Variants in ABHD12 observed in about 807,000 individuals in gnomAD.
ABHD12 encodes the protein abhydrolase domain containing 12, lysophospholipase, also known as lysophosphatidylserine lipase ABHD12.
In ABHD12, 43 loss-of-function variants were observed where a neutral mutation model predicts 58.3. The observed-to-expected ratio is 0.74, with a 90% CI of 0.58 to 0.95. The LOEUF (loss-of-function observed/expected upper bound fraction) is 0.95. Ranked by LOEUF, ABHD12 falls within the 40% of genes least tolerant of loss-of-function variation. The pLI, the probability that ABHD12 is intolerant of heterozygous loss-of-function variation, is 0.00. For synonymous variants in ABHD12, 219 were observed against 211.2 expected, an observed-to-expected ratio of 1.04 and a Z score of -0.32; for missense variants, 539 against 537.2, an observed-to-expected ratio of 1.00 and a Z score of -0.03.
intron 1 of ABHD12, among the ~76,000 whole-genome samples, chr20:25,346,318 G>A (rs2089518013): frequency 1.3e-5 from 2 of 152,204 alleles, no homozygotes; most frequent in Admixed American, 1.3e-4. Flanking sequence ...CCAGGGATGG[G>A]GTAGGGAGGG....
chr20:25,372,188 G>A (rs913089403), intron 1 of ABHD12, among the ~76,000 whole-genome samples: 3 of 151,510 alleles, frequency 2.0e-5, no homozygotes, highest in African/African-American at 4.9e-5. Flanking sequence ...TTAAAGCATG[G>A]GTCTGCTGAT....
rs186066020 is a variant in ABHD12 at position 25,302,978 on chromosome 20, T to C, written c.1029+572A>G. Among the ~76,000 whole-genome samples, 12 of 152,310 alleles carry C rather than the reference T, an allele frequency of 7.9e-5. No individual in the cohort carries two copies. In the East Asian group the frequency reaches 2.3e-3, roughly 29 times the overall value. ...CAGGCTGCCTTCTCTTACCCTACTC[T>C]GAGCCACAAATCCAATCCAACTTGC... is the stretch of plus-strand genomic sequence containing the variant. On this transcript the variant is annotated intron_variant, in intron 11 of 12. Transcript: ENST00000339157.
At chr20:25,359,936 T>C (rs1416793852) in intron 1 of ABHD12, among the ~76,000 whole-genome samples, 1 of 151,890 alleles carries the variant, frequency 6.6e-6, no homozygotes, top group African/African-American at 2.4e-5. Flanking sequence ...GTTAAAAATA[T>C]TTCCCTCTAT....
At chr20:25,390,131 A>C in intron 1 of ABHD12, 1 of 170,886 alleles carries the variant, frequency 5.9e-6, no homozygotes, top group Middle Eastern at 2.5e-3. Flanking sequence ...TCTTCCAAGG[A>C]CTCCCCACCC....
chr20:25,308,106 G>T, intron 8 of ABHD12, 61 bp from the exon 9 acceptor site: 1 of 1,208,524 alleles, frequency 8.3e-7, no homozygotes, highest in Non-Finnish European at 1.2e-6. Flanking sequence ...CATGTGGCCT[G>T]TGGGGCTCTG....
downstream of ABHD12, among the ~76,000 whole-genome samples, chr20:25,296,183 C>T (rs1442231125): frequency 1.3e-5 from 2 of 152,172 alleles, no homozygotes; most frequent in African/African-American, 2.4e-5. Context: ...ATCTAGAATG[C>T]GGTAGCTTTC....
In ABHD12 at chr20:25,390,513, C is replaced by G; in HGVS notation, c.191G>C (p.Arg64Thr). 6.9e-7 allele frequency: 1 copy of G among 1,454,916 alleles called. No homozygotes were observed. Among genetic ancestry groups the G allele is most frequent in the African/African-American group, 1.5e-5 (1 of 67,216 alleles). 90.1% of individuals were successfully genotyped at this position (1,454,916 alleles called of 1,614,324 possible). ...CCCCCCGCTCCGCGCGAAGCCTCAC[C>G]TGCCCAGCGCCCGCTTCATTCCCGC... Reference protein sequence around the residue: ...ADAGMKRALGRRKGVWLRLRK... With the variant: ...ADAGMKRALGTRKGVWLRLRK... Residue 64 changes from arginine (R) to threonine (T), a missense_variant and splice_region_variant, in exon 1 of 13, where the codon AGG becomes ACG. Physicochemically the swap from Arg to Thr is moderately conservative, Grantham distance 71. Transcript: ENST00000339157.
At chr20:25,359,316 C>G (rs1294076081) in intron 1 of ABHD12, among the ~76,000 whole-genome samples, 2 of 145,074 alleles carry the variant, frequency 1.4e-5, no homozygotes, top group African/African-American at 5.1e-5. Flanking sequence ...CCCAGCTACT[C>G]GGGAGGCTGA....
At chr20:25,382,547 G>A (rs940661252) in intron 1 of ABHD12, among the ~76,000 whole-genome samples, 2 of 152,108 alleles carry the variant, frequency 1.3e-5, no homozygotes, top group Non-Finnish European at 2.9e-5. Flanking sequence ...AGAAAGGAGG[G>A]GAACGAAGAG....
intron 7 of ABHD12, 132 bp from the exon 8 acceptor site, chr20:25,308,626 G>T: frequency 8.8e-7 from 1 of 1,132,104 alleles, no homozygotes; most frequent in Non-Finnish European, 1.3e-6. Flanking sequence ...CAGAGTGGGG[G>T]AAATGGAGAT....
chr20:25,389,316 T>A (rs1305729418), intron 1 of ABHD12, among the ~76,000 whole-genome samples: 1 of 152,250 alleles, frequency 6.6e-6, no homozygotes, highest in East Asian at 1.9e-4. Context: ...CGCCCTTCTG[T>A]CAAACCATCG....
rs374119522 is a variant in ABHD12 at position 25,376,125 on chromosome 20, AAAT to A, written c.191+14385_191+14387del. The stretch of plus-strand genomic sequence containing the variant: ...CGACAGAGTGAGACTCTGTCTCAAA[AAAT>A]AATAATAATAATAATAATGTCTACA... On this transcript the variant is annotated intron_variant, in intron 1 of 12. Coordinates refer to ENST00000339157, the MANE Select transcript of ABHD12 (RefSeq NM_001042472.3). Among the ~76,000 whole-genome samples, 185 of 151,964 alleles carry A rather than the reference AAAT, an allele frequency of 1.2e-3. 1 individual carries two copies. Among genetic ancestry groups the A allele is most frequent in the African/African-American group, 4.2e-3 (174 of 41,432 alleles).
chr20:25,320,225 C>T lies in ABHD12; in HGVS notation c.516G>A (p.Leu172=), dbSNP rs749606778. 6.2e-7 allele frequency: 1 copy of T among 1,614,134 alleles called. No individual in the cohort carries two copies. Among genetic ancestry groups the T allele is most frequent in the Non-Finnish European group, 8.5e-7 (1 of 1,180,032 alleles). The change falls in exon 4 of 13, where the codon CTG becomes CTA. Residue 172 remains leucine (L), a synonymous_variant. Transcript: ENST00000339157. ...DALASSHPII[L]YLHGNAGTRG... ...TGGTACCTGCGTTCCCATGCAGGTA[C>T]AGAATGATAGGGTGGCTGGAAGCCA...
Position 25,308,775 on chromosome 20 carries a change from C to T in ABHD12, c.750-281G>A, listed in dbSNP as rs557312414. ...GCCCGTACACTCCCATTGGCCGGGCCGCCTGTCGGCTGGGGGTGGCCAGCG... is the reference window on the plus strand; with the variant it reads ...GCCCGTACACTCCCATTGGCCGGGCTGCCTGTCGGCTGGGGGTGGCCAGCG... On this transcript the variant is annotated intron_variant, in intron 7 of 12. Coordinates refer to ENST00000339157, the MANE Select transcript of ABHD12 (RefSeq NM_001042472.3). 5.9e-5 allele frequency among the ~76,000 whole-genome samples: 9 copies of T among 152,212 alleles called. No individual in the cohort carries two copies. In the East Asian group the frequency reaches 1.2e-3, roughly 20 times the overall value.
chr20:25,364,298 G>A (rs2089791091), intron 1 of ABHD12, among the ~76,000 whole-genome samples: 1 of 152,174 alleles, frequency 6.6e-6, no homozygotes, highest in African/African-American at 2.4e-5. Context: ...GAATACCTGA[G>A]GCTAGGTAAT....
intron 4 of ABHD12, among the ~76,000 whole-genome samples, chr20:25,318,931 G>A (rs1336535377): frequency 2.0e-5 from 3 of 152,202 alleles, no homozygotes; most frequent in Non-Finnish European, 4.4e-5. Flanking sequence ...TTTCAGCAAT[G>A]CTCTCTGCAG....
intron 1 of ABHD12, among the ~76,000 whole-genome samples, chr20:25,383,331 A>G (rs148787387): frequency 6.6e-6 from 1 of 152,326 alleles, no homozygotes; most frequent in African/African-American, 2.4e-5. Context: ...TGATCTGGCT[A>G]TGAAACCTCC....
At chr20:25,376,203 GAA>G (rs976853533) in intron 1 of ABHD12, among the ~76,000 whole-genome samples, 10 of 152,202 alleles carry the variant, frequency 6.6e-5, no homozygotes, top group African/African-American at 1.4e-4. Flanking sequence ...AATTGTTGAG[GAA>G]AAGTGTTTTA....
At chr20:25,340,901 TTGATG>T (rs2089445955) in intron 1 of ABHD12, among the ~76,000 whole-genome samples, 1 of 152,208 alleles carries the variant, frequency 6.6e-6, no homozygotes, top group Non-Finnish European at 1.5e-5. Context: ...ATACTTTACC[TTGATG>T]TGGCTGTGGT....
Sources: allele counts gnomAD v4.1 joint callset (sites outside exome capture counted in the v4.1 genomes callset), GRCh38; gene constraint gnomAD v4.1.1; transcripts MANE v1.5; gene names NCBI Gene and HGNC (gene_info 2026-07-23, HGNC 2026-07-21).